SPATA17: variants seen among roughly 807,000 people sequenced by gnomAD.
The protein encoded by SPATA17 is spermatogenesis associated 17.
A neutral mutation model predicts 62.2 loss-of-function variants in SPATA17; 53 were observed. The ratio of observed to expected loss-of-function variants is 0.85; its 90% confidence interval spans 0.68 to 1.07. The LOEUF is 1.07. Ranked by LOEUF, SPATA17 falls within the 50% of genes least tolerant of loss-of-function variation. The pLI, the probability that SPATA17 is intolerant of heterozygous loss-of-function variation, is 0.00. For missense variants in SPATA17, 466 were observed against 425.5 expected (o/e 1.10, Z -0.84); for synonymous variants, 146 against 146.8 (o/e 0.99, Z 0.04).
chr1:217,844,561 T>C (rs1675482987), intron 9 of SPATA17, among the ~76,000 whole-genome samples: 1 of 152,118 alleles, frequency 6.6e-6, no homozygotes, highest in Admixed American at 6.6e-5. Context: ...TCAATCATGA[T>C]ACAGTCCTTG....
chr1:217,803,973 G>T (rs529262307), intron 9 of SPATA17, among the ~76,000 whole-genome samples: 1 of 151,860 alleles, frequency 6.6e-6, no homozygotes, highest in Admixed American at 6.6e-5. Context: ...AGCTGAGATC[G>T]TGCCACTGCA....
intron 9 of SPATA17, among the ~76,000 whole-genome samples, chr1:217,824,367 C>A (rs995550637): frequency 2.6e-5 from 4 of 151,496 alleles, no homozygotes; most frequent in Admixed American, 2.0e-4. Flanking sequence ...AAATTATCTT[C>A]ATTATGAGTC....
chr1:217,869,366 A>T lies in SPATA17; in HGVS notation c.*2347A>T, dbSNP rs894127881. On this transcript the variant is annotated 3_prime_UTR_variant, in exon 11 of 11. Transcript: ENST00000366933. ...GGGACCAAGGTTCTCATGCAGATGA[A>T]GCCTCCAGGTGGCAGACTTCAGAGA... 2 of 152,180 alleles carry T rather than the reference A, an allele frequency of 1.3e-5. No individual in the cohort carries two copies. Among genetic ancestry groups the T allele is most frequent in the East Asian group, 3.9e-4 (2 of 5,174 alleles). The allele number at this position is 152,180 out of a possible 1,614,324, so 9.4% of individuals were successfully genotyped here.
chr1:217,791,158 G>GC (rs1190253276), intron 8 of SPATA17, among the ~76,000 whole-genome samples: 2 of 152,084 alleles, frequency 1.3e-5, no homozygotes, highest in Non-Finnish European at 2.9e-5. Context: ...TACTAAATTA[G>GC]CTAACCCCAT....
At chr1:217,764,616 A>T (rs1319172888) in intron 6 of SPATA17, among the ~76,000 whole-genome samples, 1 of 152,128 alleles carries the variant, frequency 6.6e-6, no homozygotes, top group Non-Finnish European at 1.5e-5. Context: ...ATATGATAAG[A>T]GTACGTTTAG....
chr1:217,846,625 A>G (rs991898494), intron 9 of SPATA17, among the ~76,000 whole-genome samples: 2 of 152,078 alleles, frequency 1.3e-5, no homozygotes, highest in South Asian at 4.1e-4. Context: ...TAATGGATAG[A>G]AGAACATGTT....
chr1:217,763,465 A>G (rs1300741320), intron 6 of SPATA17, among the ~76,000 whole-genome samples: 1 of 152,150 alleles, frequency 6.6e-6, no homozygotes, highest in African/African-American at 2.4e-5. Flanking sequence ...GAAATGGAAA[A>G]AAATGTGGCT....
At chr1:217,758,062 C>A (rs1195622775) in intron 6 of SPATA17, among the ~76,000 whole-genome samples, 1 of 152,106 alleles carries the variant, frequency 6.6e-6, no homozygotes, top group Non-Finnish European at 1.5e-5. Flanking sequence ...TTTATTCCAG[C>A]AGTTATCAAC....
intron 6 of SPATA17, 60 bp from the exon 7 acceptor site, chr1:217,774,274 C>T: frequency 1.4e-6 from 2 of 1,442,428 alleles, no homozygotes; most frequent in Non-Finnish European, 1.9e-6. Context: ...TGGTACAACT[C>T]TTTCCTTTAT....
chr1:217,698,595 CAAAG>C (rs200259796), intron 5 of SPATA17, among the ~76,000 whole-genome samples: 2,511 of 134,004 alleles, frequency 0.019, 42 homozygotes, highest in Non-Finnish European at 0.023. Context: ...AAAAAAAAAA[CAAAG>C]AAATTCTATG....
chr1:217,795,871 T>C (rs1674141114), intron 8 of SPATA17, among the ~76,000 whole-genome samples: 1 of 152,074 alleles, frequency 6.6e-6, no homozygotes, highest in African/African-American at 2.4e-5. Context: ...TGATCGTGAC[T>C]CACGGCAGCT....
At chr1:217,684,966 G>C (rs1461306106) in intron 5 of SPATA17, among the ~76,000 whole-genome samples, 1 of 152,074 alleles carries the variant, frequency 6.6e-6, no homozygotes, top group Non-Finnish European at 1.5e-5. Flanking sequence ...GGCTTCAATA[G>C]GATTTAGTCG....
At chr1:217,708,481 C>T (rs764687259) in intron 5 of SPATA17, among the ~76,000 whole-genome samples, 1 of 152,094 alleles carries the variant, frequency 6.6e-6, no homozygotes, top group African/African-American at 2.4e-5. Context: ...TAGAAACATA[C>T]AACCTCCCAA....
chr1:217,865,863 G>A (rs960581750), intron 10 of SPATA17, among the ~76,000 whole-genome samples: 8 of 152,102 alleles, frequency 5.3e-5, no homozygotes, highest in Admixed American at 2.6e-4. Flanking sequence ...CTAAAAAGTG[G>A]TTCAATTTTG....
chr1:217,709,945 T>A lies in SPATA17; in HGVS notation c.395+26584T>A, dbSNP rs963845340. ...ATTTATGTCTGAGTTTCAAAGAGAA[T>A]ATGAAAGATCTAGTCCAATCCTCTA... On this transcript the variant is annotated intron_variant, in intron 5 of 10. Transcript: ENST00000366933. 4.6e-5 allele frequency among the ~76,000 whole-genome samples: 7 copies of A among 152,200 alleles called. 1 individual carries two copies. Among genetic ancestry groups the A allele is most frequent in the African/African-American group, 1.7e-4 (7 of 41,452 alleles).
At position 217,801,842 on chromosome 1, in the gene SPATA17, T is replaced by C. The variant is rs1396606922; in HGVS notation, c.997T>C (p.Cys333Arg). 3 of 1,603,294 alleles carry C rather than the reference T, an allele frequency of 1.9e-6. No individual in the cohort carries two copies. The South Asian group carries it at 3.4e-5, about 18-fold the overall frequency. ...AAGTGAAAATCCTAAGAAATGGATC[T>C]GTGACAAGGTGAGTTAACAAAACAT... ...FRSENPKKWICDKDFQTVLPS... is the reference protein window; with the variant it reads ...FRSENPKKWIRDKDFQTVLPS... Residue 333 changes from cysteine to arginine, a missense_variant, in exon 9 of 11, where the codon TGT becomes CGT. Cys to Arg is a radical substitution (Grantham distance 180). Coordinates refer to ENST00000366933, the MANE Select transcript of SPATA17 (RefSeq NM_138796.4).
intron 6 of SPATA17, among the ~76,000 whole-genome samples, chr1:217,768,601 C>T (rs1169138509): frequency 6.6e-6 from 1 of 151,698 alleles, no homozygotes; most frequent in Admixed American, 6.6e-5. Flanking sequence ...AAGCAATTCT[C>T]CTGCCTCAGC....
At chr1:217,645,452 A>G (rs915344415) in intron 1 of SPATA17, among the ~76,000 whole-genome samples, 14 of 152,098 alleles carry the variant, frequency 9.2e-5, no homozygotes, top group African/African-American at 3.4e-4. Context: ...TTTTTCTTCC[A>G]TTTTTATAAA....
rs943439682 is a variant in SPATA17, at chr1:217,840,853, T to C, written c.1006-21921T>C. ...CAGCCTGAGTGACACAGTGAGACCC[T>C]GTCTCAAAAAAATAAATAAATAAAA... is the stretch of plus-strand genomic sequence containing the variant. On this transcript the variant is annotated intron_variant, in intron 9 of 10. Coordinates refer to ENST00000366933, the MANE Select transcript of SPATA17 (RefSeq NM_138796.4). Among the ~76,000 whole-genome samples, 6 of 152,044 alleles carry C rather than the reference T, an allele frequency of 3.9e-5. No individual in the cohort carries two copies. In the East Asian group the frequency reaches 7.7e-4, roughly 20 times the overall value.
Sources: allele counts gnomAD v4.1 joint callset (sites outside exome capture counted in the v4.1 genomes callset), GRCh38; gene constraint gnomAD v4.1.1; transcripts MANE v1.5; gene names NCBI Gene and HGNC (gene_info 2026-07-23, HGNC 2026-07-21).